YAP1: variants seen among roughly 807,000 people sequenced by gnomAD.
YAP1 encodes the protein Yes1 associated transcriptional regulator.
In YAP1, 5 loss-of-function variants were observed where a neutral mutation model predicts 56.9. The observed-to-expected ratio is 0.09, with a 90% CI of 0.05 to 0.18. The LOEUF is 0.18. Ranked by LOEUF, YAP1 falls within the 10% of genes least tolerant of loss-of-function variation. The pLI is 1.00. For missense variants in YAP1, 539 were observed against 651.8 expected, an observed-to-expected ratio of 0.83 and a Z score of 1.88; for synonymous variants, 265 against 248.1, an observed-to-expected ratio of 1.07 and a Z score of -0.64.
At chr11:102,163,408 G>C (rs1047153352) in intron 3 of YAP1, among the ~76,000 whole-genome samples, 6 of 152,180 alleles carry the variant, frequency 3.9e-5, no homozygotes, top group Non-Finnish European at 5.9e-5. Flanking sequence ...CAAGGCCACA[G>C]TTAGCCCATT....
In YAP1 at chr11:102,132,228, G is replaced by A. The variant is rs527397810; in HGVS notation, c.572+17834G>A. ...AGATACTACTCAAGTCACGCTTAAG[G>A]GAGTTAGCATTTTCAGCTAGTGATT... is the stretch of plus-strand genomic sequence containing the variant. On this transcript the variant is annotated intron_variant, in intron 2 of 8. Coordinates refer to ENST00000282441, the MANE Select transcript of YAP1 (RefSeq NM_001130145.3). Among the ~76,000 whole-genome samples, 3 of 152,320 alleles carry A rather than the reference G, an allele frequency of 2.0e-5. No homozygotes were observed. In the East Asian group the frequency reaches 5.8e-4, roughly 29 times the overall value.
intron 2 of YAP1, among the ~76,000 whole-genome samples, chr11:102,134,983 AT>A (rs1246123233): frequency 6.6e-6 from 1 of 152,140 alleles, no homozygotes; most frequent in Non-Finnish European, 1.5e-5. Flanking sequence ...GGTTCAAGTG[AT>A]TCTCCTGCCT....
chr11:102,193,831 T>G (rs934814241), intron 4 of YAP1, among the ~76,000 whole-genome samples: 3 of 151,844 alleles, frequency 2.0e-5, no homozygotes, highest in Non-Finnish European at 4.4e-5. Flanking sequence ...GGTTTTTTTT[T>G]GTTTGATTTT....
chr11:102,197,127 A>C (rs1303596080), intron 4 of YAP1, among the ~76,000 whole-genome samples: 2 of 152,182 alleles, frequency 1.3e-5, no homozygotes, highest in Non-Finnish European at 1.5e-5. Flanking sequence ...ATTTCTTTTA[A>C]AAAGTCTACT....
At chr11:102,112,933 T>C (rs1943051247) in intron 1 of YAP1, among the ~76,000 whole-genome samples, 1 of 152,218 alleles carries the variant, frequency 6.6e-6, no homozygotes, top group South Asian at 2.1e-4. Context: ...TTCTAGTAAA[T>C]AATTTTTACA....
At chr11:102,223,544 G>C in intron 6 of YAP1, 78 bp from the exon 7 acceptor site, 1 of 1,492,406 alleles carries the variant, frequency 6.7e-7, no homozygotes, top group Non-Finnish European at 9.1e-7. Flanking sequence ...TTACTCTGAT[G>C]AACGTTTTAT....
chr11:102,218,681 A>C (rs1949775267), intron 6 of YAP1, among the ~76,000 whole-genome samples: 1 of 152,150 alleles, frequency 6.6e-6, no homozygotes, highest in African/African-American at 2.4e-5. Context: ...TCATGGCTCA[A>C]ATATAGGTTT....
At chr11:102,205,321 C>T (rs902763686) in intron 4 of YAP1, among the ~76,000 whole-genome samples, 1 of 151,938 alleles carries the variant, frequency 6.6e-6, no homozygotes, top group Admixed American at 6.5e-5. Context: ...ATATTAAGGG[C>T]TGATTATTTT....
intron 3 of YAP1, among the ~76,000 whole-genome samples, chr11:102,170,574 A>G (rs1381826507): frequency 6.6e-6 from 1 of 152,222 alleles, no homozygotes; most frequent in East Asian, 1.9e-4. Flanking sequence ...TCTTGACCTG[A>G]TCTTAGAGCA....
chr11:102,213,672 C>T (rs1949526462), intron 6 of YAP1, among the ~76,000 whole-genome samples: 1 of 152,216 alleles, frequency 6.6e-6, no homozygotes, highest in South Asian at 2.1e-4. Context: ...TGTTATTCTG[C>T]TCACAAGCTT....
At position 102,232,324 on chromosome 11, in the gene YAP1, T is replaced by G. The variant is rs1197659352; in HGVS notation, c.*2384T>G. 1.3e-5 allele frequency: 2 copies of G among 152,028 alleles called. No individual in the cohort carries two copies. 9.4% of individuals were successfully genotyped at this position (152,028 alleles called of 1,614,324 possible). On this transcript the variant is annotated 3_prime_UTR_variant, in exon 9 of 9. Coordinates refer to ENST00000282441, the MANE Select transcript of YAP1 (RefSeq NM_001130145.3). ...TTAGGGGGACCTTGATAGAGAACTT[T>G]ATAAACTTCTTTCTCTTTAATAAAG...
intron 3 of YAP1, among the ~76,000 whole-genome samples, chr11:102,183,744 A>G (rs898369811): frequency 1.9e-5 from 2 of 106,566 alleles, no homozygotes; most frequent in African/African-American, 7.1e-5. Context: ...GTGTGTTTAA[A>G]CCACATATAT....
At chr11:102,119,728 A>C (rs1015070130) in intron 2 of YAP1, among the ~76,000 whole-genome samples, 1 of 152,096 alleles carries the variant, frequency 6.6e-6, no homozygotes, top group Admixed American at 6.6e-5. Flanking sequence ...AGTTAGAAAA[A>C]TAATGTGAAT....
intron 4 of YAP1, among the ~76,000 whole-genome samples, chr11:102,203,120 G>A (rs529678027): frequency 1.6e-4 from 25 of 152,184 alleles, no homozygotes; most frequent in Non-Finnish European, 2.8e-4. Flanking sequence ...GTCACTGGGA[G>A]GGCTTGTCAA....
chr11:102,205,540 C>T (rs1949075493), intron 4 of YAP1, among the ~76,000 whole-genome samples: 1 of 152,064 alleles, frequency 6.6e-6, no homozygotes. Context: ...ATTTTTATAT[C>T]CTCTGAATAT....
chr11:102,117,344 T>A (rs1943351991), intron 2 of YAP1, among the ~76,000 whole-genome samples: 1 of 152,250 alleles, frequency 6.6e-6, no homozygotes. Flanking sequence ...ATGAAACATT[T>A]TATTTTAATG....
chr11:102,130,163 T>C (rs530434164), intron 2 of YAP1, among the ~76,000 whole-genome samples: 1 of 152,120 alleles, frequency 6.6e-6, no homozygotes, highest in Non-Finnish European at 1.5e-5. Context: ...GTCATAAATA[T>C]TGACTCAGAA....
At chr11:102,219,140 C>G (rs1949798383) in intron 6 of YAP1, among the ~76,000 whole-genome samples, 1 of 152,168 alleles carries the variant, frequency 6.6e-6, no homozygotes, top group Non-Finnish European at 1.5e-5. Flanking sequence ...AGAATATTCT[C>G]CAATACTCCC....
intron 8 of YAP1, among the ~76,000 whole-genome samples, chr11:102,229,218 T>A (rs889550131): frequency 6.6e-6 from 1 of 152,212 alleles, no homozygotes; most frequent in African/African-American, 2.4e-5. Context: ...GTTTTGCTGT[T>A]AGGAAGGTGC....
Sources: gnomAD v4.1 joint callset for allele counts (sites outside exome capture counted in the v4.1 genomes callset) on GRCh38, gnomAD v4.1.1 for gene constraint, MANE v1.5 for transcripts, NCBI Gene and HGNC (gene_info 2026-07-23, HGNC 2026-07-21) for gene names.